Variants in ZNF292 observed in about 807,000 individuals in gnomAD.
ZNF292 encodes the protein zinc finger protein 292.
In ZNF292, 26 loss-of-function variants were observed where a neutral mutation model predicts 217.9. The observed-to-expected ratio is 0.12, with a 90% CI of 0.09 to 0.17. The LOEUF (loss-of-function observed/expected upper bound fraction) is 0.17, where lower values mean the gene tolerates loss of function less well. Ranked by LOEUF, ZNF292 falls within the 10% of genes least tolerant of loss-of-function variation. ZNF292 has a pLI of 1.00. For synonymous variants in ZNF292, 1,257 were observed against 1,124.1 expected (o/e 1.12, Z -2.37); for missense variants, 2,904 against 3,175.2 (o/e 0.91, Z 2.05).
intron 1 of ZNF292, among the ~76,000 whole-genome samples, chr6:87,180,935 G>A (rs1771452428): frequency 6.6e-6 from 1 of 152,172 alleles, no homozygotes. Flanking sequence ...CAGAGGTGTG[G>A]CTCACCTGCT....
chr6:87,241,690 G>A (rs1299117402), intron 5 of ZNF292, among the ~76,000 whole-genome samples: 2 of 152,178 alleles, frequency 1.3e-5, no homozygotes, highest in Non-Finnish European at 2.9e-5. Flanking sequence ...AAAGTGTTTG[G>A]ATTACAGGCG....
intron 1 of ZNF292, among the ~76,000 whole-genome samples, chr6:87,187,657 G>A (rs1342872029): frequency 1.4e-5 from 2 of 146,578 alleles, no homozygotes; most frequent in African/African-American, 5.1e-5. Flanking sequence ...GGAGGTTGCA[G>A]TGAGCCAAGA....
intron 4 of ZNF292, among the ~76,000 whole-genome samples, chr6:87,221,521 T>C (rs1333537788): frequency 1.3e-5 from 2 of 152,198 alleles, no homozygotes; most frequent in Admixed American, 1.3e-4. Flanking sequence ...TTTTGGAGCT[T>C]CCAGCTTTTG....
At chr6:87,171,492 T>C (rs1409544891) in intron 1 of ZNF292, among the ~76,000 whole-genome samples, 1 of 152,146 alleles carries the variant, frequency 6.6e-6, no homozygotes, top group Non-Finnish European at 1.5e-5. Context: ...TAATGTTTGC[T>C]GAGTACTTTG....
rs545699251 is a variant in ZNF292, at chr6:87,251,087, G to GA, written c.1021-3556dup. ...GGAGGAGAGAGTGTTCCTAGTCACA[G>GA]AAAAAAACACATAAAGTAGTATCAA... is the stretch of plus-strand genomic sequence containing the variant. On this transcript the variant is annotated intron_variant, in intron 7 of 7. Coordinates refer to ENST00000369577, the MANE Select transcript of ZNF292 (RefSeq NM_015021.3). Among the ~76,000 whole-genome samples the GA allele has an allele frequency of 9.9e-5, 15 of 152,102 alleles. No homozygotes were observed. The South Asian group carries it at 3.1e-3, about 32-fold the overall frequency.
chr6:87,252,112 T>C (rs1410796502), intron 7 of ZNF292, among the ~76,000 whole-genome samples: 1 of 152,074 alleles, frequency 6.6e-6, no homozygotes, highest in Non-Finnish European at 1.5e-5. Context: ...AAATCCTTCA[T>C]TCTCTGAATC....
At chr6:87,184,875 G>A (rs1209230020) in intron 1 of ZNF292, among the ~76,000 whole-genome samples, 1 of 152,188 alleles carries the variant, frequency 6.6e-6, no homozygotes, top group Non-Finnish European at 1.5e-5. Context: ...CATATCCAAG[G>A]AAGCAGAAGA....
At position 87,262,365 on chromosome 6, in the gene ZNF292, T is replaced by C. The variant is rs184590935; in HGVS notation, c.*564T>C. 46 of 152,228 alleles carry C rather than the reference T, an allele frequency of 3.0e-4. No individual in the cohort carries two copies. Among genetic ancestry groups the C allele is most frequent in the African/African-American group, 1.1e-3 (44 of 41,562 alleles). 9.4% of individuals were successfully genotyped at this position (152,228 alleles called of 1,614,324 possible). On this transcript the variant is annotated 3_prime_UTR_variant, in exon 8 of 8. Coordinates refer to ENST00000369577, the MANE Select transcript of ZNF292 (RefSeq NM_015021.3). ...TTGATTTTTACATGAAACATTTATT[T>C]ACAAGATGATATCAAGATTACTTTT...
intron 1 of ZNF292, 135 bp downstream of exon 1, chr6:87,155,894 A>G: frequency 8.7e-7 from 1 of 1,142,964 alleles, no homozygotes; most frequent in Non-Finnish European, 1.2e-6. Flanking sequence ...GAGCGGGAGT[A>G]GAAGGAAGGC....
chr6:87,235,341 G>C (rs946287394), intron 5 of ZNF292, among the ~76,000 whole-genome samples: 4 of 151,908 alleles, frequency 2.6e-5, no homozygotes, highest in African/African-American at 7.3e-5. Flanking sequence ...TGCCCTTAAG[G>C]TTCATCTGAC....
intron 1 of ZNF292, among the ~76,000 whole-genome samples, chr6:87,179,390 A>G (rs144258306): frequency 1.6e-4 from 24 of 151,958 alleles, no homozygotes; most frequent in African/African-American, 4.1e-4. Context: ...CGAACTGCCA[A>G]CCTCAGGTGA....
intron 1 of ZNF292, among the ~76,000 whole-genome samples, chr6:87,165,757 C>CTTTTT (rs71014998): frequency 7.6e-6 from 1 of 131,272 alleles, no homozygotes; most frequent in African/African-American, 2.8e-5. Flanking sequence ...GTTTACATTT[C>CTTTTT]TTTTTTTTTT....
In ZNF292 at chr6:87,263,024, CTG is replaced by C. The variant is rs750608434; in HGVS notation, c.*1225_*1226del. On this transcript the variant is annotated 3_prime_UTR_variant, in exon 8 of 8. Coordinates refer to ENST00000369577, the MANE Select transcript of ZNF292 (RefSeq NM_015021.3). ...TAGATGTTAGATTGTACAGATTTGT[CTG>C]TATTTCTCACCATATCTAATGATAC... 3 of 151,878 alleles carry C rather than the reference CTG, an allele frequency of 2.0e-5. No homozygotes were observed. Among genetic ancestry groups the C allele is most frequent in the Non-Finnish European group, 4.4e-5 (3 of 67,842 alleles). 9.4% of individuals were successfully genotyped at this position (151,878 alleles called of 1,614,324 possible).
At chr6:87,240,961 T>C (rs1339763713) in intron 5 of ZNF292, among the ~76,000 whole-genome samples, 1 of 152,218 alleles carries the variant, frequency 6.6e-6, no homozygotes, top group African/African-American at 2.4e-5. Context: ...AGCAAAGAAC[T>C]TAACGCTTAG....
chr6:87,258,298 A>G lies in ZNF292; in HGVS notation c.4669A>G (p.Lys1557Glu), dbSNP rs756178006. 6.2e-7 allele frequency: 1 copy of G among 1,613,550 alleles called. No individual in the cohort carries two copies. Among genetic ancestry groups the G allele is most frequent in the Non-Finnish European group, 8.5e-7 (1 of 1,179,738 alleles). The change falls in exon 8 of 8, where the codon AAA becomes GAA. Residue 1557 changes from lysine (K) to glutamate (E), a missense_variant. Lys to Glu is a moderately conservative substitution (Grantham distance 56, BLOSUM62 1). Coordinates refer to ENST00000369577, the MANE Select transcript of ZNF292 (RefSeq NM_015021.3). ...CAACCAGAATAGGACGTCAAACTCCAAAACTTCCTCCATTGAGGAATGTAG... is the reference window on the plus strand; with the variant it reads ...CAACCAGAATAGGACGTCAAACTCCGAAACTTCCTCCATTGAGGAATGTAG... ...LTNQNRTSNSKTSSIEECSSL... is the reference protein window; with the variant it reads ...LTNQNRTSNSETSSIEECSSL...
chr6:87,251,826 G>A (rs1477806367), intron 7 of ZNF292, among the ~76,000 whole-genome samples: 1 of 152,144 alleles, frequency 6.6e-6, no homozygotes, highest in African/African-American at 2.4e-5. Flanking sequence ...TGTCATTAAT[G>A]TAAAGGTTTC....
intron 1 of ZNF292, among the ~76,000 whole-genome samples, chr6:87,194,480 G>A (rs1293386349): frequency 6.6e-6 from 1 of 152,122 alleles, no homozygotes; most frequent in Non-Finnish European, 1.5e-5. Flanking sequence ...AGTGAAAAAA[G>A]AGAGAGCAGA....
At chr6:87,219,968 A>C (rs1309476516) in intron 4 of ZNF292, among the ~76,000 whole-genome samples, 1 of 152,068 alleles carries the variant, frequency 6.6e-6, no homozygotes, top group Non-Finnish European at 1.5e-5. Flanking sequence ...CTGCAGACAC[A>C]TGCCACCACA....
intron 4 of ZNF292, among the ~76,000 whole-genome samples, chr6:87,230,423 G>C (rs1336194665): frequency 1.3e-5 from 2 of 152,032 alleles, no homozygotes; most frequent in African/African-American, 4.8e-5. Context: ...GGAATTAGTG[G>C]TTTCCTTTTA....
Sources: allele counts gnomAD v4.1 joint callset (sites outside exome capture counted in the v4.1 genomes callset), GRCh38; gene constraint gnomAD v4.1.1; transcripts MANE v1.5; gene names NCBI Gene and HGNC (gene_info 2026-07-23, HGNC 2026-07-21).